TAFA1: variants seen among roughly 807,000 people sequenced by gnomAD.
The protein encoded by TAFA1 is chemokine-like protein TAFA-1.
A neutral mutation model predicts 18.5 loss-of-function variants in TAFA1; 4 were observed. The observed-to-expected ratio is 0.22, with a 90% CI of 0.11 to 0.49. The LOEUF (loss-of-function observed/expected upper bound fraction) is 0.49. TAFA1 is among the 20% of genes least tolerant of loss of function. The pLI, the probability that TAFA1 is intolerant of heterozygous loss-of-function variation, is 0.98. For synonymous variants in TAFA1, 56 were observed against 55.2 expected, an observed-to-expected ratio of 1.01 and a Z score of -0.06; for missense variants, 147 against 169.0, an observed-to-expected ratio of 0.87 and a Z score of 0.72.
chr3:68,521,856 G>GTTTTTTTTTGTTTTTTTT (rs2073029878), intron 3 of TAFA1, among the ~76,000 whole-genome samples: 2 of 70,844 alleles, frequency 2.8e-5, no homozygotes, highest in Non-Finnish European at 2.4e-5. Flanking sequence ...GTTTTTTTCT[G>GTTTTTTTTTGTTTTTTTT]TTTTTTTTTT....
intron 2 of TAFA1, among the ~76,000 whole-genome samples, chr3:68,382,855 ATTTG>A (rs1337495424): frequency 2.0e-5 from 3 of 152,150 alleles, no homozygotes; most frequent in Admixed American, 2.0e-4. Flanking sequence ...AATGTTTTCC[ATTTG>A]TTTGTGTCAT....
At chr3:68,207,163 C>CA (rs1235886056) in intron 2 of TAFA1, among the ~76,000 whole-genome samples, 1 of 151,544 alleles carries the variant, frequency 6.6e-6, no homozygotes, top group Non-Finnish European at 1.5e-5. Context: ...CCTATATTAG[C>CA]AAAAAATGGA....
At chr3:68,490,855 G>C (rs1005446817) in intron 3 of TAFA1, among the ~76,000 whole-genome samples, 1 of 148,376 alleles carries the variant, frequency 6.7e-6, no homozygotes, top group South Asian at 2.1e-4. Context: ...TTTTTTGTGG[G>C]GGGGACAGGG....
chr3:68,270,591 G>A (rs2067646412), intron 2 of TAFA1, among the ~76,000 whole-genome samples: 1 of 152,184 alleles, frequency 6.6e-6, no homozygotes, highest in Non-Finnish European at 1.5e-5. Flanking sequence ...CAGGTTATCT[G>A]TGGACCCAGG....
intron 2 of TAFA1, among the ~76,000 whole-genome samples, chr3:68,364,051 G>T (rs1346023914): frequency 6.6e-6 from 1 of 152,178 alleles, no homozygotes; most frequent in African/African-American, 2.4e-5. Flanking sequence ...CAGTGTGTTT[G>T]AGAGTAATTG....
chr3:68,501,589 C>G (rs1273945249), intron 3 of TAFA1, among the ~76,000 whole-genome samples: 1 of 152,108 alleles, frequency 6.6e-6, no homozygotes, highest in East Asian at 1.9e-4. Context: ...CCATGAATAT[C>G]TAAACACTGT....
chr3:68,108,937 T>G (rs1437324282), intron 2 of TAFA1, among the ~76,000 whole-genome samples: 2 of 150,782 alleles, frequency 1.3e-5, no homozygotes. Flanking sequence ...ATAAAAATTC[T>G]ATCATGTTGC....
intron 2 of TAFA1, among the ~76,000 whole-genome samples, chr3:68,033,601 A>C (rs1263630002): frequency 2.6e-5 from 4 of 152,220 alleles, no homozygotes; most frequent in Admixed American, 2.6e-4. Flanking sequence ...ATGAGATATG[A>C]CAAATATCAG....
chr3:68,230,586 G>T (rs1357642441), intron 2 of TAFA1, among the ~76,000 whole-genome samples: 1 of 152,144 alleles, frequency 6.6e-6, no homozygotes, highest in Non-Finnish European at 1.5e-5. Context: ...AAACATGTGG[G>T]TGCAGATATC....
chr3:68,369,373 A>G (rs1200186857), intron 2 of TAFA1, among the ~76,000 whole-genome samples: 1 of 152,336 alleles, frequency 6.6e-6, no homozygotes, highest in East Asian at 1.9e-4. Flanking sequence ...ATTATATCTC[A>G]ATACATTATT....
At chr3:68,473,668 G>T (rs1236292234) in intron 3 of TAFA1, among the ~76,000 whole-genome samples, 2 of 152,168 alleles carry the variant, frequency 1.3e-5, no homozygotes, top group African/African-American at 4.8e-5. Context: ...GCAGTTGTCT[G>T]CCCTCATAGG....
chr3:68,441,451 C>T (rs1416860931), intron 3 of TAFA1, among the ~76,000 whole-genome samples: 2 of 152,278 alleles, frequency 1.3e-5, no homozygotes, highest in African/African-American at 2.4e-5. Flanking sequence ...TGAGAGATAG[C>T]TCTTGGCCTG....
At chr3:68,133,943 C>T (rs761638807) in intron 2 of TAFA1, among the ~76,000 whole-genome samples, 7 of 151,220 alleles carry the variant, frequency 4.6e-5, no homozygotes, top group Non-Finnish European at 7.4e-5. Flanking sequence ...GAGGGACTCA[C>T]AAAAGATGAA....
chr3:68,376,708 A>G (rs146753309), intron 2 of TAFA1, among the ~76,000 whole-genome samples: 84 of 152,276 alleles, frequency 5.5e-4, no homozygotes, highest in South Asian at 1.0e-3. Flanking sequence ...TAGTGCTGCA[A>G]TGAACATATT....
chr3:68,041,219 C>T (rs73837254), intron 2 of TAFA1, among the ~76,000 whole-genome samples: 4,285 of 152,248 alleles, frequency 0.028, 83 homozygotes, highest in East Asian at 0.1. Flanking sequence ...TTTACATTCC[C>T]GAAAGACTCT....
At chr3:68,220,740 C>G (rs1415825159) in intron 2 of TAFA1, among the ~76,000 whole-genome samples, 2 of 152,090 alleles carry the variant, frequency 1.3e-5, no homozygotes, top group African/African-American at 4.8e-5. Context: ...GTCTTTGGGT[C>G]ACAGTGTTCT....
At chr3:68,225,161 G>C (rs2066782327) in intron 2 of TAFA1, among the ~76,000 whole-genome samples, 1 of 151,844 alleles carries the variant, frequency 6.6e-6, no homozygotes, top group Non-Finnish European at 1.5e-5. Flanking sequence ...ACCTGCCTCG[G>C]CCTCTCAAAG....
intron 3 of TAFA1, among the ~76,000 whole-genome samples, chr3:68,488,321 G>A (rs758743558): frequency 1.6e-4 from 24 of 152,146 alleles, no homozygotes; most frequent in Non-Finnish European, 1.5e-4. Flanking sequence ...ATATTTTCAC[G>A]TTCTTCTGTC....
intron 2 of TAFA1, among the ~76,000 whole-genome samples, chr3:68,140,563 G>C (rs749468961): frequency 6.6e-6 from 1 of 152,158 alleles, no homozygotes; most frequent in African/African-American, 2.4e-5. Flanking sequence ...TGAGTCCTGG[G>C]CTGAACACTT....
Sources: gnomAD v4.1 joint callset for allele counts (sites outside exome capture counted in the v4.1 genomes callset) on GRCh38, gnomAD v4.1.1 for gene constraint, MANE v1.5 for transcripts, NCBI Gene and HGNC (gene_info 2026-07-23, HGNC 2026-07-21) for gene names.